The following CA10 variants were observed in gnomAD, a reference collection of about 807,000 sequenced individuals.
CA10 encodes carbonic anhydrase 10 (inactive).
A neutral mutation model predicts 44.2 loss-of-function variants in CA10; 14 were observed. That is an observed-to-expected ratio of 0.32 (90% confidence interval 0.21 to 0.50). The LOEUF is 0.50. Among genes scored for constraint, CA10 ranks in the 20% least tolerant of loss-of-function variants. The pLI, the probability that CA10 is intolerant of heterozygous loss-of-function variation, is 0.99. For missense variants in CA10, 350 were observed against 409.7 expected, an observed-to-expected ratio of 0.85 and a Z score of 1.26; for synonymous variants, 159 against 141.6, an observed-to-expected ratio of 1.12 and a Z score of -0.87.
chr17:51,874,847 T>C (rs1161062057), intron 3 of CA10, among the ~76,000 whole-genome samples: 1 of 152,212 alleles, frequency 6.6e-6, no homozygotes, highest in Non-Finnish European at 1.5e-5. Flanking sequence ...TATTGCAACT[T>C]AAACTGGGTC....
At chr17:51,914,167 C>A (rs1246591925) in intron 3 of CA10, among the ~76,000 whole-genome samples, 1 of 152,104 alleles carries the variant, frequency 6.6e-6, no homozygotes, top group Non-Finnish European at 1.5e-5. Flanking sequence ...TGCAATCATG[C>A]TTTTGGGGTG....
chr17:51,882,680 G>A (rs1980428238), intron 3 of CA10, among the ~76,000 whole-genome samples: 1 of 152,084 alleles, frequency 6.6e-6, no homozygotes, highest in African/African-American at 2.4e-5. Flanking sequence ...CTGTGAGTGT[G>A]GCTCTCTGTG....
intron 3 of CA10, among the ~76,000 whole-genome samples, chr17:51,807,086 C>A (rs1907167269): frequency 6.6e-6 from 1 of 152,156 alleles, no homozygotes; most frequent in African/African-American, 2.4e-5. Context: ...CAAACCTGTG[C>A]CTTCTGCTTC....
At chr17:51,724,304 C>T (rs1916446253) in intron 4 of CA10, among the ~76,000 whole-genome samples, 1 of 152,158 alleles carries the variant, frequency 6.6e-6, no homozygotes, top group South Asian at 2.1e-4. Context: ...TTGGTTCTGC[C>T]TGCTTATTTC....
At chr17:51,833,642 A>C (rs545902921) in intron 3 of CA10, among the ~76,000 whole-genome samples, 1 of 152,354 alleles carries the variant, frequency 6.6e-6, no homozygotes, top group East Asian at 1.9e-4. Context: ...ACTGTCTGTC[A>C]GAGTATAAGA....
chr17:51,832,894 A>C (rs980528066), intron 3 of CA10, among the ~76,000 whole-genome samples: 1 of 152,202 alleles, frequency 6.6e-6, no homozygotes, highest in Admixed American at 6.5e-5. Context: ...GAGGTAATCA[A>C]GCAGCACATC....
At chr17:51,908,157 C>A (rs1981641645) in intron 3 of CA10, among the ~76,000 whole-genome samples, 1 of 152,152 alleles carries the variant, frequency 6.6e-6, no homozygotes, top group Non-Finnish European at 1.5e-5. Context: ...AATTCAGTTC[C>A]ATTTGAAATT....
At chr17:51,957,903 C>A (rs1401951825) in intron 2 of CA10, among the ~76,000 whole-genome samples, 2 of 152,044 alleles carry the variant, frequency 1.3e-5, no homozygotes, top group Non-Finnish European at 2.9e-5. Flanking sequence ...ACCTTTCTCA[C>A]TCCCCCCGAG....
intron 4 of CA10, among the ~76,000 whole-genome samples, chr17:51,745,516 CA>C (rs1904647332): frequency 6.6e-6 from 1 of 152,166 alleles, no homozygotes; most frequent in East Asian, 1.9e-4. Flanking sequence ...TTTTAAAATG[CA>C]AATTCTTTGG....
At chr17:51,965,553 C>G (rs978258835) in intron 2 of CA10, among the ~76,000 whole-genome samples, 1 of 151,994 alleles carries the variant, frequency 6.6e-6, no homozygotes, top group African/African-American at 2.4e-5. Context: ...GTTGGTTCAA[C>G]ATACACAAAT....
At chr17:51,863,861 T>C (rs1265566420) in intron 3 of CA10, among the ~76,000 whole-genome samples, 2 of 152,208 alleles carry the variant, frequency 1.3e-5, no homozygotes, top group Admixed American at 6.5e-5. Context: ...ACAATACTTA[T>C]AGGACTGCCA....
intron 3 of CA10, among the ~76,000 whole-genome samples, chr17:51,785,425 A>G (rs974695282): frequency 6.6e-6 from 1 of 152,252 alleles, no homozygotes; most frequent in Non-Finnish European, 1.5e-5. Context: ...GTTGCTCAAC[A>G]TCACTGATCA....
chr17:51,649,349 T>C, intron 5 of CA10, 95 bp from the exon 6 acceptor site: 1 of 933,560 alleles, frequency 1.1e-6, no homozygotes, highest in Non-Finnish European at 1.7e-6. Flanking sequence ...AGTTACTGAG[T>C]ATCTACCATG....
At chr17:52,058,531 G>A (rs1343192864) in intron 2 of CA10, among the ~76,000 whole-genome samples, 2 of 152,126 alleles carry the variant, frequency 1.3e-5, no homozygotes, top group East Asian at 3.9e-4. Context: ...TTTCTGCCGT[G>A]CAGCTCTGAA....
intron 2 of CA10, among the ~76,000 whole-genome samples, chr17:51,989,232 C>T (rs556562159): frequency 6.7e-5 from 10 of 150,344 alleles, no homozygotes; most frequent in South Asian, 4.2e-4. Context: ...TGTGTCATGG[C>T]GGTTTGTTCT....
chr17:51,954,383 C>T (rs1311196386), intron 2 of CA10, among the ~76,000 whole-genome samples: 2 of 152,136 alleles, frequency 1.3e-5, no homozygotes, highest in Admixed American at 6.6e-5. Flanking sequence ...TTTCCAAGCA[C>T]TTGAGGCATC....
chr17:52,068,849 T>C (rs1344093389), intron 2 of CA10, among the ~76,000 whole-genome samples: 1 of 152,218 alleles, frequency 6.6e-6, no homozygotes, highest in Non-Finnish European at 1.5e-5. Flanking sequence ...TATGCATGAC[T>C]ATATTAATGT....
chr17:51,767,094 A>G (rs1172592879), intron 3 of CA10, among the ~76,000 whole-genome samples: 1 of 152,232 alleles, frequency 6.6e-6, no homozygotes, highest in Non-Finnish European at 1.5e-5. Context: ...GTGTTTACTA[A>G]CTGCAAGTTC....
At chr17:51,688,221 C>T (rs143849084) in intron 4 of CA10, among the ~76,000 whole-genome samples, 3 of 152,340 alleles carry the variant, frequency 2.0e-5, no homozygotes, top group African/African-American at 7.2e-5. Context: ...CTTCAGATGA[C>T]TTCTGCCTTG....
Sources: allele counts gnomAD v4.1 joint callset (sites outside exome capture counted in the v4.1 genomes callset), GRCh38; gene constraint gnomAD v4.1.1; transcripts MANE v1.5; gene names NCBI Gene and HGNC (gene_info 2026-07-23, HGNC 2026-07-21).